Variants in CCDC14 observed in about 807,000 individuals in gnomAD.
CCDC14 encodes the protein coiled-coil domain-containing protein 14.
CCDC14 carries 71 observed loss-of-function variants against 81.4 expected under a neutral mutation model. The observed-to-expected ratio is 0.87, with a 90% confidence interval of 0.72 to 1.06. The LOEUF is 1.06. Ranked by LOEUF, CCDC14 falls within the 50% of genes least tolerant of loss-of-function variation. CCDC14 has a pLI of 0.00. For missense variants in CCDC14, 1,046 were observed against 1,047.3 expected (o/e 1.00, Z 0.02); for synonymous variants, 332 against 364.8 (o/e 0.91, Z 1.03).
intron 12 of CCDC14, among the ~76,000 whole-genome samples, chr3:123,929,015 G>A (rs1057236002): frequency 1.3e-5 from 2 of 152,182 alleles, no homozygotes; most frequent in South Asian, 2.1e-4. Flanking sequence ...ATATCAGCTT[G>A]TGATTTCATA....
intron 5 of CCDC14, among the ~76,000 whole-genome samples, chr3:123,905,406 T>C (rs2034285685): frequency 6.6e-6 from 1 of 152,138 alleles, no homozygotes; most frequent in Non-Finnish European, 1.5e-5. Flanking sequence ...CTTAGGCCAG[T>C]GACACTGAGT....
intron 5 of CCDC14, chr3:123,953,178 A>C (rs1249716890): frequency 6.5e-6 from 1 of 153,138 alleles, no homozygotes; most frequent in Non-Finnish European, 1.5e-5. Context: ...GGGCTGCAAA[A>C]AGACAGTCCT....
chr3:123,893,650 A>T (rs1458682006), downstream of CCDC14, among the ~76,000 whole-genome samples: 1 of 152,084 alleles, frequency 6.6e-6, no homozygotes, highest in Non-Finnish European at 1.5e-5. Context: ...AAACCACCGA[A>T]CTGTTTCGAT....
chr3:123,939,506 G>A (rs1356106846), intron 9 of CCDC14, among the ~76,000 whole-genome samples: 1 of 148,176 alleles, frequency 6.7e-6, no homozygotes, highest in Non-Finnish European at 1.5e-5. Context: ...GAATAAAGTG[G>A]TACAACCAGA....
intron 7 of CCDC14, 141 bp from the exon 8 acceptor site, chr3:123,947,460 T>C (rs1489246515): frequency 1.6e-6 from 1 of 619,834 alleles, no homozygotes; most frequent in African/African-American, 1.8e-5. Context: ...AATAAGTAGT[T>C]ACCACTATAT....
downstream of CCDC14, among the ~76,000 whole-genome samples, chr3:123,894,446 T>G (rs2034031136): frequency 2.0e-5 from 3 of 152,220 alleles, no homozygotes; most frequent in Admixed American, 2.0e-4. Context: ...GGGGGCTCTC[T>G]GAGGTTCCAT....
intron 1 of CCDC14, among the ~76,000 whole-genome samples, chr3:123,960,321 T>C (rs2037606558): frequency 6.6e-6 from 1 of 152,224 alleles, no homozygotes; most frequent in Non-Finnish European, 1.5e-5. Flanking sequence ...TGAGTTATTA[T>C]TTGTGAGGTG....
intron 8 of CCDC14, among the ~76,000 whole-genome samples, chr3:123,945,457 G>A (rs1306827755): frequency 1.3e-5 from 2 of 152,000 alleles, no homozygotes; most frequent in Non-Finnish European, 2.9e-5. Context: ...TTGAGTGAGG[G>A]TCTGCTAAGA....
Position 123,913,653 on chromosome 3 carries a change from C to G in CCDC14, c.*1126G>C, listed in dbSNP as rs1433118463. The G allele has an allele frequency of 2.0e-6, 2 of 979,878 alleles. No homozygotes were observed. Among genetic ancestry groups the G allele is most frequent in the Admixed American group, 1.3e-4 (2 of 15,714 alleles). 60.7% of individuals were successfully genotyped at this position (979,878 alleles called of 1,614,324 possible). On this transcript the variant is annotated 3_prime_UTR_variant, in exon 13 of 13. Transcript: ENST00000409697. ...AGAGACTACAGCTGGCTCCTTCAAA[C>G]GCTGTAGCACTAACACCTAAAAAAA...
At chr3:123,886,141 C>CT in the CCDC14 span, among the ~76,000 whole-genome samples, 42 of 146,606 alleles carry the variant, frequency 2.9e-4, no homozygotes, top group Admixed American at 4.1e-4. Flanking sequence ...TTCTAGTAGT[C>CT]TTTTTTTTTT....
intron 12 of CCDC14, among the ~76,000 whole-genome samples, chr3:123,927,791 T>C (rs776956112): frequency 1.1e-4 from 17 of 151,562 alleles, no homozygotes; most frequent in Non-Finnish European, 2.2e-4. Context: ...GTTAGATAAA[T>C]GTTAAGGAAA....
intron 5 of CCDC14, among the ~76,000 whole-genome samples, chr3:123,905,949 A>G (rs1332558374): frequency 6.6e-6 from 1 of 150,486 alleles, no homozygotes; most frequent in East Asian, 1.9e-4. Flanking sequence ...AAAATACTGT[A>G]TGAATAATAT....
At chr3:123,953,298 A>T (rs2037137265) in intron 5 of CCDC14, 1 of 152,258 alleles carries the variant, frequency 6.6e-6, no homozygotes, top group Non-Finnish European at 1.5e-5. Flanking sequence ...AGGATGAGGT[A>T]ATGTTTCCCT....
At chr3:123,886,369 TTTCTTTCCTTCTTTCC>T in the CCDC14 span, among the ~76,000 whole-genome samples, 11 of 146,792 alleles carry the variant, frequency 7.5e-5, no homozygotes, top group African/African-American at 1.7e-4. Context: ...TTTTTCTTTC[TTTCTTTCCTTCTTTCC>T]TTCTTTCCTT....
At chr3:123,888,424 T>C in the CCDC14 span, among the ~76,000 whole-genome samples, 2 of 152,326 alleles carry the variant, frequency 1.3e-5, no homozygotes, top group South Asian at 4.1e-4. Context: ...AAAATATATA[T>C]GGTGGCTGGA....
intron 9 of CCDC14, among the ~76,000 whole-genome samples, chr3:123,935,832 C>T (rs2036030111): frequency 6.6e-6 from 1 of 151,896 alleles, no homozygotes; most frequent in African/African-American, 2.4e-5. Flanking sequence ...CCTCTCATTC[C>T]TACCCTCCTC....
At position 123,946,990 on chromosome 3, in the gene CCDC14, A is replaced by C; in HGVS notation, c.1014T>G (p.Asn338Lys). 1 of 1,613,838 alleles carries C rather than the reference A, an allele frequency of 6.2e-7. No homozygotes were observed. Among genetic ancestry groups the C allele is most frequent in the Non-Finnish European group, 8.5e-7 (1 of 1,179,856 alleles). Residue 338 changes from asparagine to lysine, a missense_variant, in exon 8 of 13, where the codon AAT (asparagine) becomes AAG (lysine). Coordinates refer to ENST00000409697, the MANE Select transcript of CCDC14 (RefSeq NM_001366335.1). ...TTTGCTCTCTGGCACATTTTTCTTC[A>C]TTAGTGGCCAAGAAAGCTGGTTGTG... is the stretch of plus-strand genomic sequence containing the variant. ...TQSQPAFLAT[N>K]EEKCAREQIR...
chr3:123,951,918 G>A (rs946258578), intron 5 of CCDC14, among the ~76,000 whole-genome samples: 1 of 152,096 alleles, frequency 6.6e-6, no homozygotes, highest in Admixed American at 6.5e-5. Flanking sequence ...TTTACTTAAC[G>A]ATATGAAGTC....
chr3:123,894,200 C>T (rs1289862442), downstream of CCDC14, among the ~76,000 whole-genome samples: 1 of 152,108 alleles, frequency 6.6e-6, no homozygotes, highest in Non-Finnish European at 1.5e-5. Context: ...TCCAGTTTTC[C>T]ACCACCATTT....
Sources: allele counts gnomAD v4.1 joint callset (sites outside exome capture counted in the v4.1 genomes callset), GRCh38; gene constraint gnomAD v4.1.1; transcripts MANE v1.5; gene names NCBI Gene and HGNC (gene_info 2026-07-23, HGNC 2026-07-21).